The following B3GALT1 variants were observed in gnomAD, a reference collection of about 807,000 sequenced individuals.
B3GALT1 encodes UDP-Gal:betaGlcNAc beta 1,3-galactosyltransferase, polypeptide 1.
A neutral mutation model predicts 23.2 loss-of-function variants in B3GALT1; 10 were observed. That is an observed-to-expected ratio of 0.43 (90% CI 0.27 to 0.73). B3GALT1 has a LOEUF of 0.73. Among genes scored for constraint, B3GALT1 ranks in the 30% least tolerant of loss-of-function variants. B3GALT1 has a pLI of 0.21. For missense variants in B3GALT1, 299 were observed against 405.4 expected (o/e 0.74, Z 2.25); for synonymous variants, 156 against 141.5 (o/e 1.10, Z -0.73).
Position 167,424,563 on chromosome 2 carries a change from TTG to T in B3GALT1, c.-510-65602_-510-65601del, listed in dbSNP as rs548847651. Among the ~76,000 whole-genome samples the T allele has an allele frequency of 1.5e-3, 234 of 151,506 alleles. 1 individual carries two copies. The highest frequency in any genetic ancestry group is 0.015 in the South Asian group (71 of 4,786). On this transcript the variant is annotated intron_variant, in intron 1 of 4. Coordinates refer to ENST00000392690, the MANE Select transcript of B3GALT1 (RefSeq NM_020981.4). ...TCTCTACATTAGTGTGTGTGTGTGT[TTG>T]TGTGTGTGTGTTTGTGTTTGTGTGT... is the stretch of plus-strand genomic sequence containing the variant.
At chr2:167,859,983 C>G (rs2105429517) in intron 4 of B3GALT1, among the ~76,000 whole-genome samples, 1 of 152,240 alleles carries the variant, frequency 6.6e-6, no homozygotes, top group Middle Eastern at 3.4e-3. Flanking sequence ...GAAATTCTTC[C>G]TTCAAGGACC....
chr2:167,756,648 C>T (rs1326676042), intron 3 of B3GALT1, among the ~76,000 whole-genome samples: 2 of 152,122 alleles, frequency 1.3e-5, no homozygotes, highest in Non-Finnish European at 2.9e-5. Flanking sequence ...GCTAAGCTTC[C>T]GGGGGTGGAT....
intron 1 of B3GALT1, among the ~76,000 whole-genome samples, chr2:167,408,136 T>C (rs1320999298): frequency 1.3e-5 from 2 of 151,242 alleles, no homozygotes; most frequent in African/African-American, 2.4e-5. Context: ...AACAAAATGC[T>C]AGCAAACTAA....
At chr2:167,623,300 T>C (rs909405468) in intron 2 of B3GALT1, among the ~76,000 whole-genome samples, 2 of 152,124 alleles carry the variant, frequency 1.3e-5, no homozygotes, top group Non-Finnish European at 2.9e-5. Context: ...ATCATTCTAC[T>C]ATAAAGACAC....
At chr2:167,693,451 T>C (rs1476242657) in intron 3 of B3GALT1, among the ~76,000 whole-genome samples, 1 of 152,090 alleles carries the variant, frequency 6.6e-6, no homozygotes, top group Non-Finnish European at 1.5e-5. Flanking sequence ...GACAAGGGAA[T>C]CAATAGAACT....
At chr2:167,616,017 G>C (rs575626089) in intron 2 of B3GALT1, among the ~76,000 whole-genome samples, 2 of 152,086 alleles carry the variant, frequency 1.3e-5, no homozygotes, top group South Asian at 2.1e-4. Context: ...GTTATTCATG[G>C]TCAGGAAGCT....
intron 3 of B3GALT1, among the ~76,000 whole-genome samples, chr2:167,670,640 C>T (rs568143004): frequency 6.6e-6 from 1 of 151,984 alleles, no homozygotes; most frequent in African/African-American, 2.4e-5. Context: ...TATAAGCAAA[C>T]ACAGATAACT....
intron 4 of B3GALT1, among the ~76,000 whole-genome samples, chr2:167,820,060 A>T (rs1194929165): frequency 6.6e-6 from 1 of 152,178 alleles, no homozygotes; most frequent in African/African-American, 2.4e-5. Context: ...ACTCATAAGG[A>T]TTCTCCAAGT....
intron 2 of B3GALT1, among the ~76,000 whole-genome samples, chr2:167,576,193 T>C (rs1157056531): frequency 6.6e-6 from 1 of 151,836 alleles, no homozygotes; most frequent in African/African-American, 2.4e-5. Flanking sequence ...GGACTTTATT[T>C]ACATTTCTGT....
chr2:167,546,822 C>G (rs763219161), intron 2 of B3GALT1, among the ~76,000 whole-genome samples: 5 of 152,188 alleles, frequency 3.3e-5, no homozygotes, highest in Non-Finnish European at 7.3e-5. Flanking sequence ...CTTTCAACAT[C>G]ACCAACCTAA....
chr2:167,405,015 C>T (rs185541805), intron 1 of B3GALT1, among the ~76,000 whole-genome samples: 8 of 152,122 alleles, frequency 5.3e-5, no homozygotes, highest in African/African-American at 1.4e-4. Context: ...TTATTTTATC[C>T]CCACCATTAC....
intron 3 of B3GALT1, among the ~76,000 whole-genome samples, chr2:167,771,808 G>T (rs1048735673): frequency 2.6e-5 from 4 of 152,160 alleles, no homozygotes; most frequent in African/African-American, 4.8e-5. Context: ...GGGCCAGGTT[G>T]GGATGGGGAC....
intron 1 of B3GALT1, among the ~76,000 whole-genome samples, chr2:167,326,763 C>T (rs1696902624): frequency 6.6e-6 from 1 of 152,026 alleles, no homozygotes; most frequent in Non-Finnish European, 1.5e-5. Flanking sequence ...GATCTGGGCT[C>T]ACTGCAACCT....
At chr2:167,671,097 T>C (rs1686317990) in intron 3 of B3GALT1, among the ~76,000 whole-genome samples, 1 of 152,164 alleles carries the variant, frequency 6.6e-6, no homozygotes, top group African/African-American at 2.4e-5. Context: ...AAGAAGGTCA[T>C]CATATAATGA....
chr2:167,424,577 TTG>T (rs1194551284), intron 1 of B3GALT1, among the ~76,000 whole-genome samples: 3 of 151,644 alleles, frequency 2.0e-5, no homozygotes, highest in Admixed American at 2.0e-4. Context: ...GTGTGTGTGT[TTG>T]TGTTTGTGTG....
chr2:167,750,734 CAAAAA>C (rs527622209), intron 3 of B3GALT1, among the ~76,000 whole-genome samples: 3 of 58,560 alleles, frequency 5.1e-5, no homozygotes, highest in Admixed American at 1.8e-4. Context: ...GACTGTTGAG[CAAAAA>C]AAAAAAAAAA....
chr2:167,597,630 T>C (rs376301795), intron 2 of B3GALT1, among the ~76,000 whole-genome samples: 3 of 152,200 alleles, frequency 2.0e-5, no homozygotes, highest in East Asian at 3.9e-4. Flanking sequence ...AGCTCCAGTC[T>C]GCAAAGCCCT....
At chr2:167,757,637 A>G (rs192184489) in intron 3 of B3GALT1, among the ~76,000 whole-genome samples, 1 of 152,202 alleles carries the variant, frequency 6.6e-6, no homozygotes, top group Admixed American at 6.5e-5. Flanking sequence ...ATCTTAGGAC[A>G]GGACTGATCA....
intron 1 of B3GALT1, among the ~76,000 whole-genome samples, chr2:167,466,879 A>ATTTTTTTTT (rs567975404): frequency 1.1e-3 from 97 of 84,996 alleles, no homozygotes; most frequent in African/African-American, 1.5e-3. Context: ...CGCCTGGCTA[A>ATTTTTTTTT]TTTTTTTTTT....
Sources: gnomAD v4.1 joint callset for allele counts (sites outside exome capture counted in the v4.1 genomes callset) on GRCh38, gnomAD v4.1.1 for gene constraint, MANE v1.5 for transcripts, NCBI Gene and HGNC (gene_info 2026-07-23, HGNC 2026-07-21) for gene names.